HDHD2: variants seen among roughly 807,000 people sequenced by gnomAD.
HDHD2 encodes haloacid dehalogenase-like hydrolase domain-containing protein 2.
Under a neutral mutation model 24.8 loss-of-function variants are expected in HDHD2, and 26 were observed. That is an observed-to-expected ratio of 1.05 (90% confidence interval 0.77 to 1.45). The LOEUF (loss-of-function observed/expected upper bound fraction) is 1.45. Among genes scored for constraint, HDHD2 ranks in the 40% most tolerant of loss-of-function variants. The pLI, the probability that HDHD2 is intolerant of heterozygous loss-of-function variation, is 0.00. For synonymous variants in HDHD2, 128 were observed against 114.9 expected (o/e 1.11, Z -0.73); for missense variants, 299 against 313.4 (o/e 0.95, Z 0.35).
At chr18:47,114,547 T>C (rs1599923541) in intron 5 of HDHD2, among the ~76,000 whole-genome samples, 1 of 152,170 alleles carries the variant, frequency 6.6e-6, no homozygotes, top group African/African-American at 2.4e-5. Context: ...GGAAATAACA[T>C]TTGCCTAGTA....
At chr18:47,132,290 A>G (rs2063720841) in intron 3 of HDHD2, among the ~76,000 whole-genome samples, 1 of 152,222 alleles carries the variant, frequency 6.6e-6, no homozygotes, top group African/African-American at 2.4e-5. Flanking sequence ...TTTAATTTTC[A>G]GCTACAAAGC....
chr18:47,111,377 AAAAAAG>A, intron 6 of HDHD2: 1 of 983,870 alleles, frequency 1.0e-6, no homozygotes, highest in Non-Finnish European at 1.2e-6. Context: ...TAAAAAAAAA[AAAAAAG>A]AAAGAAAGAA....
At chr18:47,150,159 C>G (rs780058640) in intron 1 of HDHD2, 3 of 152,396 alleles carry the variant, frequency 2.0e-5, no homozygotes, top group Non-Finnish European at 2.9e-5. Context: ...ACCCACAGCG[C>G]GCCTCGCGCC....
chr18:47,144,650 A>C (rs1362209067), intron 1 of HDHD2, among the ~76,000 whole-genome samples: 1 of 151,942 alleles, frequency 6.6e-6, no homozygotes, highest in Non-Finnish European at 1.5e-5. Context: ...ATAAAATCAA[A>C]TAGCCAAGCG....
At chr18:47,111,720 C>T in intron 6 of HDHD2, 2 of 985,404 alleles carry the variant, frequency 2.0e-6, no homozygotes, top group Non-Finnish European at 2.4e-6. Flanking sequence ...ACAGTGTTTT[C>T]ACTCTTTGTG....
chr18:47,126,965 T>A lies in HDHD2; in HGVS notation c.395+3279A>T, dbSNP rs1399912676. On this transcript the variant is annotated intron_variant, in intron 4 of 6. Transcript: ENST00000300605. ...GGATCACGACGTCAGATCGAGACCA[T>A]CCTGACTAACATGGTGAAACCCCGT... 4.6e-5 allele frequency among the ~76,000 whole-genome samples: 7 copies of A among 152,166 alleles called. No individual in the cohort carries two copies. In the East Asian group the frequency reaches 1.4e-3, roughly 29 times the overall value.
intron 4 of HDHD2, among the ~76,000 whole-genome samples, chr18:47,120,321 A>C (rs1486160958): frequency 2.0e-5 from 3 of 152,252 alleles, no homozygotes; most frequent in Non-Finnish European, 4.4e-5. Context: ...CTACATCAGC[A>C]CTTGCTGCTT....
rs552008294 is a variant in HDHD2, at chr18:47,128,815, T to C, written c.395+1429A>G. Among the ~76,000 whole-genome samples, 10 of 152,328 alleles carry C rather than the reference T, an allele frequency of 6.6e-5. No individual in the cohort carries two copies. In the South Asian group the frequency reaches 1.2e-3, roughly 19 times the overall value. On this transcript the variant is annotated intron_variant, in intron 4 of 6. Transcript: ENST00000300605. ...TATTTCTGGCCACATAGATTTTACA[T>C]GAGGGCAGTCATTTTCAAGATGAAC...
chr18:47,119,145 T>C (rs1371495787), intron 4 of HDHD2, among the ~76,000 whole-genome samples: 4 of 152,212 alleles, frequency 2.6e-5, no homozygotes, highest in Non-Finnish European at 5.9e-5. Context: ...GCCTCGATGT[T>C]GATGGCTGCT....
chr18:47,145,698 G>C (rs926919604), intron 1 of HDHD2, among the ~76,000 whole-genome samples: 1 of 152,122 alleles, frequency 6.6e-6, no homozygotes, highest in Non-Finnish European at 1.5e-5. Context: ...TTCATGACTT[G>C]AGGACAGAAA....
intron 4 of HDHD2, among the ~76,000 whole-genome samples, chr18:47,127,222 T>A (rs905111780): frequency 6.6e-6 from 1 of 152,122 alleles, no homozygotes; most frequent in Non-Finnish European, 1.5e-5. Context: ...TCATTGTGCT[T>A]CTTAAAATAG....
At chr18:47,131,045 C>T (rs926840633) in intron 3 of HDHD2, among the ~76,000 whole-genome samples, 2 of 152,102 alleles carry the variant, frequency 1.3e-5, no homozygotes, top group African/African-American at 4.8e-5. Context: ...GGTGCGATCT[C>T]AGCTCACCAC....
chr18:47,121,862 T>A (rs138679375), intron 4 of HDHD2, among the ~76,000 whole-genome samples: 38 of 152,348 alleles, frequency 2.5e-4, no homozygotes, highest in African/African-American at 9.1e-4. Context: ...TGGTTCCCCA[T>A]ACTTTTCACA....
intron 5 of HDHD2, among the ~76,000 whole-genome samples, chr18:47,113,533 G>A (rs1386889650): frequency 6.6e-6 from 1 of 152,146 alleles, no homozygotes; most frequent in African/African-American, 2.4e-5. Context: ...AACAGACTCT[G>A]ACTGTCTGAT....
In HDHD2 at chr18:47,119,029, T is replaced by TA. The variant is rs545952358; in HGVS notation, c.396-3682dup. 1.2e-3 allele frequency among the ~76,000 whole-genome samples: 190 copies of TA among 152,210 alleles called. 1 individual carries two copies. The highest frequency in any genetic ancestry group is 2.4e-3 in the Non-Finnish European group (160 of 67,980). Reference sequence around the variant, plus strand: ...ATTAAGTGTGCAACAGCATTGTGTCTAAAAAAAAGTATGTGTGTTAATTTA... The same window carrying TA: ...ATTAAGTGTGCAACAGCATTGTGTCTAAAAAAAAAGTATGTGTGTTAATTTA... On this transcript the variant is annotated intron_variant, in intron 4 of 6. Transcript: ENST00000300605.
At chr18:47,121,459 A>G (rs114116765) in intron 4 of HDHD2, among the ~76,000 whole-genome samples, 1 of 152,198 alleles carries the variant, frequency 6.6e-6, no homozygotes, top group South Asian at 2.1e-4. Context: ...CCAATTTTGA[A>G]CAAAAATTAA....
chr18:47,113,009 T>A lies in HDHD2; in HGVS notation c.644A>T (p.Asp215Val), dbSNP rs768511891. 2 of 1,614,148 alleles carry A rather than the reference T, an allele frequency of 1.2e-6. No homozygotes were observed. Among genetic ancestry groups the A allele is most frequent in the East Asian group, 2.2e-5 (1 of 44,880 alleles). The change falls in exon 6 of 7, where the codon GAT becomes GTT. Residue 215 changes from aspartate to valine, a missense_variant. Transcript: ENST00000300605. The part of the protein sequence containing the change: ...DCRDDVGGAQ[D>V]VGMLGILVKT... Reference sequence around the variant, plus strand: ...TACTAAGATGCCCAGCATGCCGACATCTTGAGCCCCACCAACATCATCCCT... The same window carrying A: ...TACTAAGATGCCCAGCATGCCGACAACTTGAGCCCCACCAACATCATCCCT...
rs750463745 is a variant in HDHD2, at chr18:47,136,342, T to C, written c.98A>G (p.Lys33Arg). 3 of 1,613,812 alleles carry C rather than the reference T, an allele frequency of 1.9e-6. No homozygotes were observed. The Admixed American group carries it at 5.0e-5, about 27-fold the overall frequency. Reference protein sequence around the residue: ...AAVPGAQEALKRLRGASVIIR... With the variant: ...AAVPGAQEALRRLRGASVIIR... ...CTGAACCTGGAGGATAGCTTGCCTT[T>C]TAAGAGCTTCCTGTGCGCCTGGCAC... Residue 33 changes from lysine (K) to arginine (R), a missense_variant, in exon 2 of 7, where the codon AAA (lysine) becomes AGA (arginine). Transcript: ENST00000300605.
rs1378144188 is a variant in HDHD2 at position 47,108,546 on chromosome 18, T to G, written c.*136A>C. ...CGCAATTCAATACCTTTCTTTCTAA[T>G]TAATGCACAACAAAAGAGGGTTAAA... On this transcript the variant is annotated 3_prime_UTR_variant, in exon 7 of 7. Transcript: ENST00000300605. 2.0e-6 allele frequency: 1 copy of G among 507,578 alleles called. No individual in the cohort carries two copies. The highest frequency in any genetic ancestry group is 3.7e-5 in the South Asian group (1 of 27,022). The allele number at this position is 507,578 out of a possible 1,614,324, so 31.4% of individuals were successfully genotyped here.
Sources: allele counts gnomAD v4.1 joint callset (sites outside exome capture counted in the v4.1 genomes callset), GRCh38; gene constraint gnomAD v4.1.1; transcripts MANE v1.5; gene names NCBI Gene and HGNC (gene_info 2026-07-23, HGNC 2026-07-21).